The following DLG2 variants were observed in gnomAD, a reference collection of about 807,000 sequenced individuals.
The protein encoded by DLG2 is disks large homolog 2.
DLG2 carries 45 observed loss-of-function variants against 132.5 expected under a neutral mutation model. That is an observed-to-expected ratio of 0.34 (90% CI 0.27 to 0.44). DLG2 has a LOEUF of 0.44. Ranked by LOEUF, DLG2 falls within the 20% of genes least tolerant of loss-of-function variation. The pLI, the probability that DLG2 is intolerant of heterozygous loss-of-function variation, is 1.00. For synonymous variants in DLG2, 424 were observed against 419.6 expected, an observed-to-expected ratio of 1.01 and a Z score of -0.13; for missense variants, 1,045 against 1,196.9, an observed-to-expected ratio of 0.87 and a Z score of 1.87.
intron 6 of DLG2, among the ~76,000 whole-genome samples, chr11:84,680,327 T>C (rs1176912312): frequency 2.0e-5 from 3 of 152,128 alleles, no homozygotes; most frequent in African/African-American, 4.8e-5. Flanking sequence ...AAAAAGAGTA[T>C]GACAATTTGC....
chr11:84,964,721 G>A (rs1392079465), intron 6 of DLG2, among the ~76,000 whole-genome samples: 2 of 152,062 alleles, frequency 1.3e-5, no homozygotes, highest in African/African-American at 4.8e-5. Flanking sequence ...CACAGTTTAT[G>A]TGGGGTAAGC....
At chr11:83,753,895 T>A (rs1157764969) in intron 18 of DLG2, among the ~76,000 whole-genome samples, 1 of 127,078 alleles carries the variant, frequency 7.9e-6, no homozygotes, top group African/African-American at 3.2e-5. Flanking sequence ...ATATATATCA[T>A]ATATATATTT....
At chr11:84,559,820 G>C (rs1400511568) in intron 6 of DLG2, among the ~76,000 whole-genome samples, 1 of 152,080 alleles carries the variant, frequency 6.6e-6, no homozygotes, top group Non-Finnish European at 1.5e-5. Flanking sequence ...GTTTATGCTA[G>C]ATCTTAATTC....
intron 7 of DLG2, among the ~76,000 whole-genome samples, chr11:84,533,026 A>T (rs369612174): frequency 6.6e-6 from 1 of 152,184 alleles, no homozygotes; most frequent in Non-Finnish European, 1.5e-5. Flanking sequence ...ACAGGACCTT[A>T]AAGACAATTT....
At chr11:84,164,416 G>T (rs931209516) in intron 8 of DLG2, among the ~76,000 whole-genome samples, 1 of 152,188 alleles carries the variant, frequency 6.6e-6, no homozygotes, top group African/African-American at 2.4e-5. Context: ...GAATCAGCCA[G>T]AAGGACTACA....
chr11:84,678,037 T>C (rs925392849), intron 6 of DLG2, among the ~76,000 whole-genome samples: 2 of 152,114 alleles, frequency 1.3e-5, no homozygotes, highest in Admixed American at 6.6e-5. Flanking sequence ...AGGCAATTAA[T>C]GAGTTTCAAA....
intron 16 of DLG2, among the ~76,000 whole-genome samples, chr11:83,860,173 A>G (rs1488349844): frequency 6.6e-6 from 1 of 152,216 alleles, no homozygotes; most frequent in African/African-American, 2.4e-5. Flanking sequence ...CAGAGTCCAT[A>G]CTGGGGCACC....
intron 4 of DLG2, among the ~76,000 whole-genome samples, chr11:85,194,448 G>A (rs180801311): frequency 7.9e-5 from 12 of 151,954 alleles, no homozygotes; most frequent in African/African-American, 1.7e-4. Context: ...AGGCTTCAAA[G>A]AACAGTATTT....
chr11:84,908,680 T>C (rs981595561), intron 6 of DLG2, among the ~76,000 whole-genome samples: 5 of 151,884 alleles, frequency 3.3e-5, no homozygotes, highest in African/African-American at 9.7e-5. Flanking sequence ...GGGTGGGACA[T>C]CACTGAGAAA....
intron 14 of DLG2, among the ~76,000 whole-genome samples, chr11:83,950,621 G>A (rs962040372): frequency 2.6e-5 from 4 of 152,104 alleles, no homozygotes; most frequent in African/African-American, 9.7e-5. Flanking sequence ...ACAAAAATAA[G>A]CAAATGGCTT....
At chr11:85,018,567 G>C (rs1257707495) in intron 6 of DLG2, among the ~76,000 whole-genome samples, 1 of 152,072 alleles carries the variant, frequency 6.6e-6, no homozygotes, top group Non-Finnish European at 1.5e-5. Flanking sequence ...TCTCACATGG[G>C]AAAGTTCTTT....
At chr11:85,417,939 C>A (rs1301194926) in intron 3 of DLG2, among the ~76,000 whole-genome samples, 8 of 152,160 alleles carry the variant, frequency 5.3e-5, no homozygotes, top group African/African-American at 1.7e-4. Flanking sequence ...CTATCTCTTT[C>A]AGTTCTGCTC....
chr11:83,963,199 T>C (rs1027688662), intron 13 of DLG2, among the ~76,000 whole-genome samples, 176 bp from the exon 14 acceptor site: 4 of 151,988 alleles, frequency 2.6e-5, no homozygotes, highest in Non-Finnish European at 2.9e-5. Context: ...TACAAGCACA[T>C]GGTGACCTTT....
intron 6 of DLG2, among the ~76,000 whole-genome samples, chr11:84,648,642 A>T (rs909977280): frequency 4.6e-5 from 7 of 151,926 alleles, no homozygotes; most frequent in African/African-American, 1.7e-4. Context: ...GTAATTAGTG[A>T]GTTCTCATTC....
At chr11:83,704,862 A>G (rs984731680) in intron 18 of DLG2, among the ~76,000 whole-genome samples, 2 of 152,080 alleles carry the variant, frequency 1.3e-5, no homozygotes, top group African/African-American at 4.8e-5. Flanking sequence ...GCAGGAAAAA[A>G]ACTGAGTATA....
In DLG2 at chr11:83,780,081, C is replaced by T. The variant is rs189701517; in HGVS notation, c.1825+6609G>A. Among the ~76,000 whole-genome samples, 181 of 152,276 alleles carry T rather than the reference C, an allele frequency of 1.2e-3. 1 individual carries two copies. Among genetic ancestry groups the T allele is most frequent in the African/African-American group, 4.1e-3 (169 of 41,562 alleles). On this transcript the variant is annotated intron_variant, in intron 18 of 27. Transcript: ENST00000376104. ...TTCCTGGGTATTTGTGATGCAGTTA[C>T]GTGAGTTGGGAAAATGTTTCAACAT...
intron 19 of DLG2, among the ~76,000 whole-genome samples, chr11:83,613,960 C>T (rs1002115869): frequency 1.3e-5 from 2 of 152,068 alleles, no homozygotes; most frequent in Admixed American, 6.6e-5. Flanking sequence ...CTTCTTACCT[C>T]GAGCTAAGGT....
chr11:85,075,595 A>G (rs977454887), intron 6 of DLG2, among the ~76,000 whole-genome samples: 3 of 151,924 alleles, frequency 2.0e-5, no homozygotes, highest in Non-Finnish European at 4.4e-5. Context: ...AAGTTACTCT[A>G]TCTCTTTCTC....
intron 8 of DLG2, among the ~76,000 whole-genome samples, chr11:84,208,669 T>C (rs2096710335): frequency 6.6e-6 from 1 of 152,032 alleles, no homozygotes; most frequent in Non-Finnish European, 1.5e-5. Flanking sequence ...AAATAAAAAA[T>C]AATGAAAGAA....
Sources: allele counts gnomAD v4.1 joint callset (sites outside exome capture counted in the v4.1 genomes callset), GRCh38; gene constraint gnomAD v4.1.1; transcripts MANE v1.5; gene names NCBI Gene and HGNC (gene_info 2026-07-23, HGNC 2026-07-21).